The following SCAND3 variants were observed in gnomAD, a reference collection of about 807,000 sequenced individuals.
SCAND3 encodes the protein SCAN domain-containing protein 3.
chr6:28,615,405 G>A, the SCAND3 span, among the ~76,000 whole-genome samples: 2 of 152,068 alleles, frequency 1.3e-5, no homozygotes, highest in Admixed American at 6.5e-5. Context: ...TTTGAGGTCA[G>A]GAGTTCAAAA....
chr6:28,572,422 T>C, the SCAND3 span: 9 of 1,613,354 alleles, frequency 5.6e-6, no homozygotes, highest in African/African-American at 1.3e-5. This position sits in a 1 kb window ranked among gnomAD's most constrained non-coding sequence, Gnocchi z 4.1. Context: ...TGTTAAATTA[T>C]GAAACATGTC....
At chr6:28,589,839 T>G in the SCAND3 span, 6 of 138,070 alleles carry the variant, frequency 4.3e-5, no homozygotes, top group Non-Finnish European at 9.5e-5. Context: ...GTGTTTCTTT[T>G]GTTTGTTTTT....
the SCAND3 span, chr6:28,587,287 A>C: frequency 6.6e-6 from 1 of 151,864 alleles, no homozygotes; most frequent in Admixed American, 6.5e-5. Flanking sequence ...CCGCAGACAC[A>C]CCCGCAGCTG....
the SCAND3 span, chr6:28,573,069 G>A: frequency 6.2e-7 from 1 of 1,609,986 alleles, no homozygotes; most frequent in Non-Finnish European, 8.5e-7. Context: ...AGCTAGTTGT[G>A]TTTGTAGGCA....
chr6:28,577,194 C>T, the SCAND3 span, among the ~76,000 whole-genome samples: 2 of 151,950 alleles, frequency 1.3e-5, no homozygotes. Flanking sequence ...TTCTAGAATA[C>T]TCATAATAAC....
chr6:28,607,192 T>C, the SCAND3 span, among the ~76,000 whole-genome samples: 10 of 152,192 alleles, frequency 6.6e-5, no homozygotes, highest in South Asian at 1.0e-3. Context: ...GTGCTTAGCA[T>C]GTACGAGGTC....
At chr6:28,612,748 G>A in the SCAND3 span, among the ~76,000 whole-genome samples, 2 of 152,182 alleles carry the variant, frequency 1.3e-5, no homozygotes, top group Non-Finnish European at 2.9e-5. Flanking sequence ...ATACATAGTA[G>A]TGTTGAATAA....
At chr6:28,574,928 G>T in the SCAND3 span, 2 of 1,613,742 alleles carry the variant, frequency 1.2e-6, no homozygotes, top group Non-Finnish European at 8.5e-7. Flanking sequence ...CTCTCAGGAG[G>T]GCTTTTTTCA....
the SCAND3 span, among the ~76,000 whole-genome samples, chr6:28,609,447 C>T: frequency 6.6e-6 from 1 of 152,202 alleles, no homozygotes; most frequent in African/African-American, 2.4e-5. Context: ...TATCCTATCT[C>T]TCCTGTATGG....
the SCAND3 span, among the ~76,000 whole-genome samples, chr6:28,615,116 A>G: frequency 1.7e-4 from 26 of 152,322 alleles, no homozygotes; most frequent in Non-Finnish European, 3.4e-4. Context: ...CCGTAAGCAC[A>G]CTGGTGGCAT....
the SCAND3 span, chr6:28,576,214 A>C: frequency 9.6e-6 from 11 of 1,149,960 alleles, no homozygotes; most frequent in South Asian, 1.8e-4. Context: ...AGGAGCCAGT[A>C]GTGCTTGAGG....
the SCAND3 span, among the ~76,000 whole-genome samples, chr6:28,607,230 A>G: frequency 3.3e-5 from 5 of 152,142 alleles, no homozygotes; most frequent in African/African-American, 4.8e-5. Flanking sequence ...CACCTCCACC[A>G]GTTTTGGGAG....
At chr6:28,610,430 G>A in the SCAND3 span, among the ~76,000 whole-genome samples, 1 of 152,130 alleles carries the variant, frequency 6.6e-6, no homozygotes, top group Non-Finnish European at 1.5e-5. Context: ...GGCTGAGGCA[G>A]GAGAATTGCT....
the SCAND3 span, chr6:28,585,239 T>A: frequency 6.6e-6 from 1 of 152,220 alleles, no homozygotes; most frequent in Non-Finnish European, 1.5e-5. Flanking sequence ...TCTTTTATAC[T>A]CACTAGCAGA....
At chr6:28,573,578 T>C in the SCAND3 span, 1 of 1,613,350 alleles carries the variant, frequency 6.2e-7, no homozygotes, top group Non-Finnish European at 8.5e-7. Context: ...GATGGTTTCA[T>C]TGCTTCATTA....
chr6:28,610,485 T>C, the SCAND3 span, among the ~76,000 whole-genome samples: 1 of 151,536 alleles, frequency 6.6e-6, no homozygotes, highest in African/African-American at 2.4e-5. Context: ...ATCGCACCAC[T>C]GCACTCCAGC....
chr6:28,578,824 A>G, the SCAND3 span, among the ~76,000 whole-genome samples: 1 of 152,210 alleles, frequency 6.6e-6, no homozygotes, highest in Non-Finnish European at 1.5e-5. Flanking sequence ...TCTACTATAC[A>G]TTATACCAAT....
chr6:28,598,192 C>A, the SCAND3 span, among the ~76,000 whole-genome samples: 4 of 152,056 alleles, frequency 2.6e-5, no homozygotes, highest in Non-Finnish European at 4.4e-5. Context: ...CCTGGGCGGG[C>A]CACTTAACCA....
the SCAND3 span, among the ~76,000 whole-genome samples, chr6:28,580,788 TCCCCCACC>T: frequency 8.8e-6 from 1 of 113,074 alleles, no homozygotes; most frequent in Non-Finnish European, 1.9e-5. Flanking sequence ...TCACTGACTC[TCCCCCACC>T]CCCCCACCCC....
Sources: gnomAD v4.1 joint callset for allele counts (sites outside exome capture counted in the v4.1 genomes callset) on GRCh38, gnomAD v4.1.1 for gene constraint, Gnocchi (gnomAD v3.1) non-coding constraint, MANE v1.5 for transcripts, NCBI Gene and HGNC (gene_info 2026-07-23, HGNC 2026-07-21) for gene names.